The following CFH variants were observed in gnomAD, a reference collection of about 807,000 sequenced individuals.
The protein encoded by CFH is complement factor H, also known as H factor 1 (complement).
Under a neutral mutation model 147.3 loss-of-function variants are expected in CFH, and 53 were observed. That is an observed-to-expected ratio of 0.36 (90% CI 0.29 to 0.45). The LOEUF is 0.45. Ranked by LOEUF, CFH falls within the 20% of genes least tolerant of loss-of-function variation. The pLI, the probability that CFH is intolerant of heterozygous loss-of-function variation, is 1.00. For synonymous variants in CFH, 536 were observed against 489.4 expected (o/e 1.10, Z -1.26); for missense variants, 1,380 against 1,498.0 (o/e 0.92, Z 1.30).
chr1:196,717,031 A>G (rs1314561999), intron 11 of CFH, among the ~76,000 whole-genome samples: 1 of 152,122 alleles, frequency 6.6e-6, no homozygotes, highest in Non-Finnish European at 1.5e-5. Flanking sequence ...TACCACATTT[A>G]TATATAAGAC....
chr1:196,743,038 A>C (rs1312323939), intron 19 of CFH, among the ~76,000 whole-genome samples: 3 of 152,276 alleles, frequency 2.0e-5, no homozygotes, highest in African/African-American at 7.2e-5. Flanking sequence ...ATGTATAAGC[A>C]GGATGATTGC....
chr1:196,671,601 C>CACACAG (rs1667281164), intron 1 of CFH, among the ~76,000 whole-genome samples: 1 of 148,048 alleles, frequency 6.8e-6, no homozygotes, highest in Non-Finnish European at 1.5e-5. Context: ...CACACACACA[C>CACACAG]ACACACACAC....
At position 196,737,509 on chromosome 1, in the gene CFH, A is replaced by G. The variant is rs774821924; in HGVS notation, c.2631A>G (p.Glu877=). The stretch of plus-strand genomic sequence containing the variant: ...CATGTTCACAACCACCTCAGATAGA[A>G]CACGGAACCATTAATTCATCCAGGT... ...KIPCSQPPQI[E]HGTINSSRSS... The change falls in exon 17 of 22, where the codon GAA becomes GAG. Residue 877 remains glutamate (E), a synonymous_variant. Transcript: ENST00000367429. 1 of 1,613,274 alleles carries G rather than the reference A, an allele frequency of 6.2e-7. No homozygotes were observed. The highest frequency in any genetic ancestry group is 8.5e-7 in the Non-Finnish European group (1 of 1,179,492).
In CFH at chr1:196,746,292, A is replaced by G. The variant is rs548758981; in HGVS notation, c.3493+293A>G. ...AAACCCCGTCTCTACTAAAAATACA[A>G]AATAATAATAATAACCGGCATGGTG... is the stretch of plus-strand genomic sequence containing the variant. On this transcript the variant is annotated intron_variant, in intron 21 of 21. Coordinates refer to ENST00000367429, the MANE Select transcript of CFH (RefSeq NM_000186.4). Among the ~76,000 whole-genome samples, 16 of 152,140 alleles carry G rather than the reference A, an allele frequency of 1.1e-4. No individual in the cohort carries two copies. In the East Asian group the frequency reaches 1.4e-3, roughly 13 times the overall value.
intron 9 of CFH, among the ~76,000 whole-genome samples, chr1:196,705,403 C>T (rs923728596): frequency 6.6e-6 from 1 of 152,096 alleles, no homozygotes; most frequent in Non-Finnish European, 1.5e-5. Context: ...TGAATGTTGC[C>T]ATATTTCATT....
intron 6 of CFH, among the ~76,000 whole-genome samples, chr1:196,683,274 CTG>C (rs1667717227): frequency 6.6e-6 from 1 of 151,652 alleles, no homozygotes; most frequent in Admixed American, 6.6e-5. Context: ...AGAGTTTTAT[CTG>C]TTCAGTTCAA....
At chr1:196,692,116 C>G (rs1668045097) in intron 9 of CFH, among the ~76,000 whole-genome samples, 2 of 151,852 alleles carry the variant, frequency 1.3e-5, no homozygotes, top group South Asian at 4.1e-4. Flanking sequence ...TGCAGTAACC[C>G]TCTATTGAAT....
intron 7 of CFH, among the ~76,000 whole-genome samples, chr1:196,688,008 T>C (rs956727120): frequency 6.6e-6 from 1 of 151,894 alleles, no homozygotes; most frequent in Admixed American, 6.6e-5. Flanking sequence ...ATTTCTCTAA[T>C]CAAATACAAA....
chr1:196,730,298 C>A (rs1669252284), intron 15 of CFH, among the ~76,000 whole-genome samples: 1 of 151,830 alleles, frequency 6.6e-6, no homozygotes, highest in Non-Finnish European at 1.5e-5. Context: ...TTCTCCTTTA[C>A]TGAAAATATT....
At chr1:196,725,486 C>T (rs1293667570) in intron 12 of CFH, among the ~76,000 whole-genome samples, 189 bp downstream of exon 12, 1 of 152,156 alleles carries the variant, frequency 6.6e-6, no homozygotes, top group African/African-American at 2.4e-5. Flanking sequence ...TCCACTGTTT[C>T]TTGAACGATG....
At chr1:196,661,776 GA>G (rs1666914076) in intron 1 of CFH, among the ~76,000 whole-genome samples, 1 of 152,138 alleles carries the variant, frequency 6.6e-6, no homozygotes, top group African/African-American at 2.4e-5. Flanking sequence ...TATCACTCAG[GA>G]TTCAATGCGG....
chr1:196,709,065 CTG>C (rs1166454434), intron 9 of CFH, among the ~76,000 whole-genome samples: 3 of 152,170 alleles, frequency 2.0e-5, no homozygotes, highest in Non-Finnish European at 4.4e-5. Context: ...AGAGAGGAGT[CTG>C]TACAGTGATC....
chr1:196,673,616 G>A (rs997708511), intron 2 of CFH, among the ~76,000 whole-genome samples: 4 of 152,132 alleles, frequency 2.6e-5, no homozygotes, highest in Admixed American at 2.0e-4. Context: ...GATTACAGGC[G>A]TGAGCCACCG....
intron 10 of CFH, among the ~76,000 whole-genome samples, chr1:196,714,916 G>C (rs570224623): frequency 6.6e-6 from 1 of 151,050 alleles, no homozygotes; most frequent in Non-Finnish European, 1.5e-5. Context: ...AGCCAGGCTG[G>C]TCTCGAACTC....
chr1:196,738,314 A>G (rs1013069510), intron 17 of CFH, among the ~76,000 whole-genome samples: 3 of 152,160 alleles, frequency 2.0e-5, no homozygotes, highest in African/African-American at 7.2e-5. Context: ...AAACACAATC[A>G]TGCCTTCCCA....
At chr1:196,744,449 C>T (rs1652932635) in intron 20 of CFH, among the ~76,000 whole-genome samples, 2 of 152,006 alleles carry the variant, frequency 1.3e-5, no homozygotes, top group South Asian at 2.1e-4. Flanking sequence ...AGATTAATTT[C>T]GATTCATATG....
In CFH at chr1:196,690,259, A is replaced by G. The variant is rs1395850720; in HGVS notation, c.1336+20A>G. 4 of 1,612,610 alleles carry G rather than the reference A, an allele frequency of 2.5e-6. No homozygotes were observed. Among genetic ancestry groups the G allele is most frequent in the African/African-American group, 1.3e-5 (1 of 74,940 alleles). On this transcript the variant is annotated intron_variant, in intron 9 of 21. Transcript: ENST00000367429. Reference sequence around the variant, plus strand: ...GTGTCAGTAAGTACACTACTCTGAAATCCTAGCATGTTCATGTCTTTCTAA... The same window carrying G: ...GTGTCAGTAAGTACACTACTCTGAAGTCCTAGCATGTTCATGTCTTTCTAA...
At chr1:196,677,412 A>G in intron 4 of CFH, 64 bp from the exon 5 acceptor site, 1 of 1,409,642 alleles carries the variant, frequency 7.1e-7, no homozygotes, top group Non-Finnish European at 1.0e-6. Flanking sequence ...TTTTATACAT[A>G]CACATATTTT....
rs757254580 is a variant in CFH, at chr1:196,713,721, C to T, written c.1337-14C>T. On this transcript the variant is annotated splice_polypyrimidine_tract_variant and intron_variant, in intron 9 of 21. Coordinates refer to ENST00000367429, the MANE Select transcript of CFH (RefSeq NM_000186.4). ...ATCATATGCTTGTCTTTTTCTTATT[C>T]TCTTCCCTTTTAGAAACATGTTCCA... 1.3e-6 allele frequency: 2 copies of T among 1,513,984 alleles called. No homozygotes were observed. The highest frequency in any genetic ancestry group is 2.3e-5 in the East Asian group (1 of 43,872). The allele number at this position is 1,513,984 out of a possible 1,614,324, so 93.8% of individuals were successfully genotyped here. A position where few individuals can be genotyped will look rare whatever the true frequency, so the allele number is the denominator to read the frequency against.
Sources: gnomAD v4.1 joint callset for allele counts (sites outside exome capture counted in the v4.1 genomes callset) on GRCh38, gnomAD v4.1.1 for gene constraint, MANE v1.5 for transcripts, NCBI Gene and HGNC (gene_info 2026-07-23, HGNC 2026-07-21) for gene names.